The following PTPRK variants were observed in gnomAD, a reference collection of about 807,000 sequenced individuals.
PTPRK encodes the protein protein tyrosine phosphatase receptor type K.
Under a neutral mutation model 178.0 loss-of-function variants are expected in PTPRK, and 75 were observed. That is an observed-to-expected ratio of 0.42 (90% CI 0.35 to 0.51). The LOEUF (loss-of-function observed/expected upper bound fraction) is 0.51. Among genes scored for constraint, PTPRK ranks in the 20% least tolerant of loss-of-function variants. The probability of loss-of-function intolerance (pLI) is 0.02; values close to 1 mark genes in which losing one functional copy is unlikely to be tolerated. For missense variants in PTPRK, 1,441 were observed against 1,797.8 expected (o/e 0.80, Z 3.59); for synonymous variants, 637 against 620.6 (o/e 1.03, Z -0.39).
At chr6:128,062,175 C>T (rs1406988732) in intron 13 of PTPRK, 1 of 157,068 alleles carries the variant, frequency 6.4e-6, no homozygotes, top group Non-Finnish European at 1.5e-5. Flanking sequence ...GTTACTTTAA[C>T]AAATGTGGTA....
chr6:127,983,351 T>C lies in PTPRK; in HGVS notation c.3278A>G (p.Tyr1093Cys), dbSNP rs1562380417. ...GTCTAGCATGATGTCAATCACAATG[T>C]AGCAGCCAGTTCGTCCAGCACCAGC... ...CSAGAGRTGC[Y>C]IVIDIMLDMA... is the part of the protein sequence containing the mutation. Residue 1093 changes from tyrosine (Y) to cysteine (C), a missense_variant, in exon 23 of 30, where the codon TAC (tyrosine) becomes TGC (cysteine). Tyr to Cys is a radical substitution (Grantham distance 194, BLOSUM62 -2). Coordinates refer to ENST00000368226, the MANE Select transcript of PTPRK (RefSeq NM_002844.4). 1.9e-6 allele frequency: 3 copies of C among 1,613,788 alleles called. No homozygotes were observed. Among genetic ancestry groups the C allele is most frequent in the Non-Finnish European group, 2.5e-6 (3 of 1,179,764 alleles).
intron 1 of PTPRK, among the ~76,000 whole-genome samples, chr6:128,431,920 A>G (rs1330124139): frequency 6.6e-6 from 1 of 152,172 alleles, no homozygotes; most frequent in African/African-American, 2.4e-5. Context: ...CAACTTTTTT[A>G]GACATAGTGG....
At chr6:128,370,018 G>C (rs759873961) in intron 2 of PTPRK, among the ~76,000 whole-genome samples, 1 of 152,100 alleles carries the variant, frequency 6.6e-6, no homozygotes. Context: ...AAGATTAAAA[G>C]CAAAGCTTGA....
intron 4 of PTPRK, among the ~76,000 whole-genome samples, chr6:128,241,784 T>C (rs2128284103): frequency 6.7e-6 from 1 of 148,568 alleles, no homozygotes; most frequent in Admixed American, 6.7e-5. Context: ...TTGCTTTCTT[T>C]TTTTTTTTTT....
intron 7 of PTPRK, among the ~76,000 whole-genome samples, chr6:128,183,056 A>G (rs1192109057): frequency 6.6e-6 from 1 of 152,196 alleles, no homozygotes; most frequent in Non-Finnish European, 1.5e-5. Flanking sequence ...AGAAAAGTGT[A>G]ATTTTATTAG....
intron 2 of PTPRK, among the ~76,000 whole-genome samples, chr6:128,384,602 A>G (rs1838427913): frequency 6.6e-6 from 1 of 152,228 alleles, no homozygotes; most frequent in African/African-American, 2.4e-5. Context: ...AGTTACATTC[A>G]AATACAACAG....
At chr6:128,194,879 C>T (rs1318721880) in intron 6 of PTPRK, among the ~76,000 whole-genome samples, 1 of 151,912 alleles carries the variant, frequency 6.6e-6, no homozygotes, top group Non-Finnish European at 1.5e-5. Flanking sequence ...ACTTGGAGTA[C>T]AATAACACTA....
At chr6:128,030,747 C>G (rs1379161443) in intron 13 of PTPRK, among the ~76,000 whole-genome samples, 1 of 152,118 alleles carries the variant, frequency 6.6e-6, no homozygotes, top group Non-Finnish European at 1.5e-5. Flanking sequence ...GCACATCAGG[C>G]TTGCTTTTTT....
intron 3 of PTPRK, among the ~76,000 whole-genome samples, chr6:128,282,626 C>A (rs189330622): frequency 6.6e-6 from 1 of 152,322 alleles, no homozygotes; most frequent in East Asian, 1.9e-4. Flanking sequence ...TTACATCAAT[C>A]TCTACAAATT....
intron 1 of PTPRK, among the ~76,000 whole-genome samples, chr6:128,460,121 G>T (rs1325097433): frequency 2.0e-5 from 3 of 152,094 alleles, no homozygotes; most frequent in Admixed American, 6.6e-5. Flanking sequence ...TCCAGCACTG[G>T]GGATTACATT....
At chr6:128,286,293 T>C (rs943753535) in intron 3 of PTPRK, among the ~76,000 whole-genome samples, 2 of 152,184 alleles carry the variant, frequency 1.3e-5, no homozygotes, top group African/African-American at 4.8e-5. Flanking sequence ...TAGAAAATAT[T>C]TGGCCATTAC....
chr6:128,255,213 T>A (rs1395383199), intron 3 of PTPRK, among the ~76,000 whole-genome samples: 1 of 152,050 alleles, frequency 6.6e-6, no homozygotes. Context: ...ATGGGCTCGA[T>A]CTCCTGACCT....
chr6:127,974,731 T>A (rs1340245628), intron 27 of PTPRK, among the ~76,000 whole-genome samples: 1 of 152,214 alleles, frequency 6.6e-6, no homozygotes, highest in African/African-American at 2.4e-5. Flanking sequence ...GTAAAATGCA[T>A]CACTTTTATA....
chr6:127,987,324 A>T (rs915667548), intron 21 of PTPRK, among the ~76,000 whole-genome samples: 3 of 152,034 alleles, frequency 2.0e-5, no homozygotes, highest in Non-Finnish European at 4.4e-5. Flanking sequence ...AAATCCATAC[A>T]GTGATATTAA....
intron 1 of PTPRK, among the ~76,000 whole-genome samples, chr6:128,483,571 A>T (rs1467776087): frequency 6.6e-6 from 1 of 152,136 alleles, no homozygotes; most frequent in Non-Finnish European, 1.5e-5. Context: ...AAGGTGAACA[A>T]GGGAAGGTCC....
At chr6:128,187,965 T>C (rs553272060) in intron 6 of PTPRK, among the ~76,000 whole-genome samples, 22 of 152,168 alleles carry the variant, frequency 1.4e-4, no homozygotes, top group Non-Finnish European at 2.4e-4. Flanking sequence ...TTTCTATTCA[T>C]TTCAATAAAT....
intron 3 of PTPRK, among the ~76,000 whole-genome samples, chr6:128,298,259 T>C (rs918222828): frequency 4.6e-5 from 7 of 151,346 alleles, no homozygotes; most frequent in African/African-American, 1.7e-4. Context: ...CCAAAAAGAG[T>C]CCAGGACCAG....
At chr6:128,376,031 T>C (rs1055613962) in intron 2 of PTPRK, among the ~76,000 whole-genome samples, 1 of 152,168 alleles carries the variant, frequency 6.6e-6, no homozygotes, top group Admixed American at 6.6e-5. Flanking sequence ...TGGGTTGGCA[T>C]TGAGTGTCTG....
chr6:128,502,125 T>A (rs1855647193), intron 1 of PTPRK, among the ~76,000 whole-genome samples: 1 of 152,202 alleles, frequency 6.6e-6, no homozygotes. Flanking sequence ...TACTGTGTAG[T>A]ATTTGGGAAA....
Sources: allele counts gnomAD v4.1 joint callset (sites outside exome capture counted in the v4.1 genomes callset), GRCh38; gene constraint gnomAD v4.1.1; transcripts MANE v1.5; gene names NCBI Gene and HGNC (gene_info 2026-07-23, HGNC 2026-07-21).